The following CHL1 variants were observed in gnomAD, a reference collection of about 807,000 sequenced individuals.
CHL1 encodes cell adhesion molecule L1 like, also known as neural cell adhesion molecule L1-like protein.
CHL1 carries 96 observed loss-of-function variants against 141.9 expected under a neutral mutation model. The ratio of observed to expected loss-of-function variants is 0.68; its 90% CI spans 0.57 to 0.80. The LOEUF (loss-of-function observed/expected upper bound fraction) is 0.80. Ranked by LOEUF, CHL1 falls within the 30% of genes least tolerant of loss-of-function variation. CHL1 has a pLI of 0.00. For missense variants in CHL1, 1,820 were observed against 1,457.2 expected, an observed-to-expected ratio of 1.25 and a Z score of -4.05; for synonymous variants, 613 against 502.2, an observed-to-expected ratio of 1.22 and a Z score of -2.95.
chr3:226,946 G>A (rs920148791), intron 1 of CHL1, among the ~76,000 whole-genome samples: 11 of 152,078 alleles, frequency 7.2e-5, no homozygotes, highest in African/African-American at 2.2e-4. Context: ...TGTTGAAAAT[G>A]GAAAGTTTTT....
chr3:212,297 C>T (rs895056299), intron 1 of CHL1, among the ~76,000 whole-genome samples: 1 of 152,100 alleles, frequency 6.6e-6, no homozygotes, highest in Non-Finnish European at 1.5e-5. Context: ...TTATTATGAT[C>T]AGGCAATAAA....
At chr3:390,121 A>T (rs906947565) in intron 20 of CHL1, among the ~76,000 whole-genome samples, 1 of 152,198 alleles carries the variant, frequency 6.6e-6, no homozygotes, top group African/African-American at 2.4e-5. Flanking sequence ...CCAACTCATT[A>T]CTCACCTGCC....
At chr3:289,518 AG>A (rs1177232168) in intron 2 of CHL1, among the ~76,000 whole-genome samples, 2 of 152,306 alleles carry the variant, frequency 1.3e-5, no homozygotes, top group Admixed American at 6.5e-5. Context: ...TCTTCTATAA[AG>A]TCTCTGCAAA....
intron 1 of CHL1, among the ~76,000 whole-genome samples, chr3:230,649 T>A (rs1439164634): frequency 6.6e-6 from 1 of 152,182 alleles, no homozygotes; most frequent in Admixed American, 6.5e-5. Context: ...ATTAATTTTA[T>A]TTTTCATCAT....
chr3:221,684 A>T (rs1700854728), intron 1 of CHL1, among the ~76,000 whole-genome samples: 3 of 152,222 alleles, frequency 2.0e-5, no homozygotes, highest in Admixed American at 2.0e-4. Flanking sequence ...ATTTCATGTA[A>T]TCCTTCCAAT....
chr3:375,430 T>A (rs573046796), intron 15 of CHL1, among the ~76,000 whole-genome samples: 5 of 151,994 alleles, frequency 3.3e-5, no homozygotes, highest in African/African-American at 1.2e-4. Context: ...GAGCTGCTTT[T>A]TTCCCCCTCC....
At chr3:382,756 T>G in intron 18 of CHL1, 85 bp downstream of exon 18, 2 of 1,172,880 alleles carry the variant, frequency 1.7e-6, no homozygotes, top group Non-Finnish European at 2.5e-6. Context: ...ATTGATAGAG[T>G]AATGTAGGAT....
At chr3:368,691 G>A (rs1468462877) in intron 15 of CHL1, among the ~76,000 whole-genome samples, 3 of 152,156 alleles carry the variant, frequency 2.0e-5, no homozygotes, top group African/African-American at 7.2e-5. Flanking sequence ...GAATGGTACT[G>A]CCTAGGTTTT....
intron 2 of CHL1, among the ~76,000 whole-genome samples, chr3:301,615 G>A (rs1012935389): frequency 2.0e-5 from 3 of 152,216 alleles, no homozygotes; most frequent in Non-Finnish European, 4.4e-5. Flanking sequence ...AACAGTATGA[G>A]AAGCAAAGCA....
At chr3:358,884 A>G (rs1167161619) in intron 11 of CHL1, among the ~76,000 whole-genome samples, 1 of 151,044 alleles carries the variant, frequency 6.6e-6, no homozygotes, top group Non-Finnish European at 1.5e-5. Flanking sequence ...TGTCCTTTAA[A>G]CTAAAAATTT....
chr3:236,021 G>C (rs1052766483), intron 1 of CHL1, among the ~76,000 whole-genome samples: 2 of 152,156 alleles, frequency 1.3e-5, no homozygotes, highest in Non-Finnish European at 2.9e-5. Context: ...CAACATGCTT[G>C]AAACATGGCC....
intron 2 of CHL1, among the ~76,000 whole-genome samples, chr3:298,641 G>C (rs948180768): frequency 6.6e-6 from 1 of 152,036 alleles, no homozygotes; most frequent in African/African-American, 2.4e-5. Context: ...TTGCCAGGAG[G>C]GTCTCTCATT....
chr3:321,815 C>T (rs1265596811), intron 3 of CHL1, among the ~76,000 whole-genome samples: 1 of 151,970 alleles, frequency 6.6e-6, no homozygotes, highest in African/African-American at 2.4e-5. Flanking sequence ...CAAATAAATG[C>T]AACTAAGGCA....
chr3:242,693 C>CAG (rs148141578), intron 1 of CHL1, among the ~76,000 whole-genome samples: 65,217 of 144,444 alleles, frequency 0.45, 15,595 homozygotes, highest in Non-Finnish European at 0.56. Flanking sequence ...CACACACACA[C>CAG]ACACAGAGAG....
rs573229077 is a variant in CHL1, at chr3:296,211, T to C, written c.-94-23472T>C. On this transcript the variant is annotated intron_variant, in intron 2 of 27. Coordinates refer to ENST00000256509, the MANE Select transcript of CHL1 (RefSeq NM_006614.4). ...ACTTGCCTTTCCTCTACATTGGTGA[T>C]TATTCCTGGCCTATCATTCAGTTAA... Among the ~76,000 whole-genome samples the C allele has an allele frequency of 2.6e-5, 4 of 152,298 alleles. No individual in the cohort carries two copies. In the South Asian group the frequency reaches 6.2e-4, roughly 24 times the overall value.
intron 2 of CHL1, among the ~76,000 whole-genome samples, chr3:252,762 G>C (rs1312514410): frequency 1.3e-5 from 2 of 151,892 alleles, no homozygotes; most frequent in African/African-American, 4.8e-5. Context: ...AATGATTATA[G>C]CATTCAATGG....
rs145292367 is a variant in CHL1 at position 260,996 on chromosome 3, T to C, written c.-95+16304T>C. Among the ~76,000 whole-genome samples the C allele has an allele frequency of 3.4e-3, 520 of 152,318 alleles. 2 individuals are homozygous for C. Among genetic ancestry groups the C allele is most frequent in the African/African-American group, 0.012 (484 of 41,570 alleles). ...TTATTGTTTATTAAATTGATTCTAC[T>C]TGATTTTTTGCAGACATAAATGAGA... On this transcript the variant is annotated intron_variant, in intron 2 of 27. Transcript: ENST00000256509.
chr3:388,767 T>C (rs984227862), intron 19 of CHL1, among the ~76,000 whole-genome samples: 1 of 152,174 alleles, frequency 6.6e-6, no homozygotes, highest in Non-Finnish European at 1.5e-5. Context: ...TCTCTTCTTA[T>C]AGAAGAAAAA....
intron 1 of CHL1, among the ~76,000 whole-genome samples, chr3:241,978 CAA>C (rs1459206060): frequency 6.6e-6 from 1 of 151,948 alleles, no homozygotes; most frequent in East Asian, 1.9e-4. Flanking sequence ...ATAACAAAAA[CAA>C]AATTAGAAAG....
Sources: gnomAD v4.1 joint callset for allele counts (sites outside exome capture counted in the v4.1 genomes callset) on GRCh38, gnomAD v4.1.1 for gene constraint, MANE v1.5 for transcripts, NCBI Gene and HGNC (gene_info 2026-07-23, HGNC 2026-07-21) for gene names.